Variants in FBXO4 observed in about 807,000 individuals in gnomAD.
The protein encoded by FBXO4 is F-box protein 4.
FBXO4 carries 36 observed loss-of-function variants against 43.7 expected under a neutral mutation model. The ratio of observed to expected loss-of-function variants is 0.82; its 90% CI spans 0.63 to 1.09. The LOEUF (loss-of-function observed/expected upper bound fraction) is 1.09. Among genes scored for constraint, FBXO4 ranks in the 50% least tolerant of loss-of-function variants. The pLI, the probability that FBXO4 is intolerant of heterozygous loss-of-function variation, is 0.00. For missense variants in FBXO4, 435 were observed against 474.1 expected (o/e 0.92, Z 0.77); for synonymous variants, 180 against 165.6 (o/e 1.09, Z -0.67).
At chr5:42,027,982 T>C in the FBXO4 span, among the ~76,000 whole-genome samples, 1 of 151,980 alleles carries the variant, frequency 6.6e-6, no homozygotes, top group Non-Finnish European at 1.5e-5. Context: ...ACCCATGTGC[T>C]AAAGAAAAGA....
At chr5:41,955,405 T>A in the FBXO4 span, among the ~76,000 whole-genome samples, 1 of 151,900 alleles carries the variant, frequency 6.6e-6, no homozygotes, top group African/African-American at 2.4e-5. Flanking sequence ...ACCTTACACA[T>A]AAACAACAAA....
the FBXO4 span, among the ~76,000 whole-genome samples, chr5:42,033,234 C>A: frequency 1.4e-3 from 214 of 152,212 alleles, no homozygotes; most frequent in Middle Eastern, 0.017. Context: ...GGCATCCTAG[C>A]AGGTTGCATC....
the FBXO4 span, among the ~76,000 whole-genome samples, chr5:41,997,163 C>A: frequency 6.6e-6 from 1 of 152,030 alleles, no homozygotes; most frequent in Admixed American, 6.5e-5. Context: ...TGGCTGCATA[C>A]CAGCTACCAG....
chr5:41,972,323 A>G, the FBXO4 span, among the ~76,000 whole-genome samples: 11 of 152,302 alleles, frequency 7.2e-5, no homozygotes, highest in South Asian at 2.1e-4. Context: ...TGAGAGCCAA[A>G]TCAAGAACAT....
the FBXO4 span, among the ~76,000 whole-genome samples, chr5:41,973,184 T>C: frequency 6.6e-6 from 1 of 152,134 alleles, no homozygotes; most frequent in South Asian, 2.1e-4. Context: ...CTGACAAAGA[T>C]CTAATATCTC....
intron 5 of FBXO4, among the ~76,000 whole-genome samples, chr5:41,936,964 G>A (rs370893977): frequency 5.5e-4 from 83 of 152,042 alleles, no homozygotes; most frequent in African/African-American, 1.9e-3. Flanking sequence ...GAGACAATAC[G>A]TAAATGAATG....
At chr5:41,962,351 GCTATCCTGCCTTAGCTT>G in the FBXO4 span, among the ~76,000 whole-genome samples, 2 of 152,038 alleles carry the variant, frequency 1.3e-5, no homozygotes, top group African/African-American at 2.4e-5. Context: ...ATTCTTATTA[GCTATCCTGCCTTAGCTT>G]CCACCAAAAT....
chr5:41,969,804 C>A, the FBXO4 span, among the ~76,000 whole-genome samples: 3 of 151,996 alleles, frequency 2.0e-5, no homozygotes, highest in East Asian at 5.8e-4. Flanking sequence ...TACACACACA[C>A]AAAAATGTGC....
At chr5:42,027,903 A>G in the FBXO4 span, among the ~76,000 whole-genome samples, 1 of 151,910 alleles carries the variant, frequency 6.6e-6, no homozygotes, top group African/African-American at 2.4e-5. Flanking sequence ...GATGCTTGGC[A>G]TTATTTCAAT....
At chr5:41,960,703 T>A in the FBXO4 span, among the ~76,000 whole-genome samples, 3 of 152,174 alleles carry the variant, frequency 2.0e-5, no homozygotes, top group Non-Finnish European at 4.4e-5. Context: ...TCTATTGCAT[T>A]TTTCATTTCA....
the FBXO4 span, among the ~76,000 whole-genome samples, chr5:41,981,606 G>C: frequency 1.3e-5 from 2 of 151,696 alleles, no homozygotes; most frequent in African/African-American, 4.8e-5. Context: ...TCAATTATTT[G>C]CCAGAAATCT....
At chr5:41,988,078 A>G in the FBXO4 span, among the ~76,000 whole-genome samples, 1 of 152,180 alleles carries the variant, frequency 6.6e-6, no homozygotes. Context: ...AGGTAAAATG[A>G]ACTGTAACAC....
the FBXO4 span, among the ~76,000 whole-genome samples, chr5:42,022,253 GAA>G: frequency 1.3e-5 from 2 of 152,100 alleles, no homozygotes; most frequent in Non-Finnish European, 2.9e-5. Flanking sequence ...AGACATTGGA[GAA>G]AAAGAGAAAA....
At chr5:42,036,025 A>T in the FBXO4 span, among the ~76,000 whole-genome samples, 2 of 152,146 alleles carry the variant, frequency 1.3e-5, no homozygotes, top group African/African-American at 2.4e-5. Flanking sequence ...GAAAAAGGCA[A>T]GTAATGTCCT....
At chr5:41,948,178 C>G in the FBXO4 span, among the ~76,000 whole-genome samples, 19 of 150,742 alleles carry the variant, frequency 1.3e-4, no homozygotes, top group African/African-American at 4.4e-4. Context: ...GCTCATCGCC[C>G]AGGCTGGAGT....
chr5:41,950,992 C>T, the FBXO4 span, among the ~76,000 whole-genome samples: 2 of 152,184 alleles, frequency 1.3e-5, no homozygotes, highest in South Asian at 4.1e-4. Flanking sequence ...TGTTCTCATT[C>T]GTAAGTGGGA....
chr5:42,037,116 A>G, the FBXO4 span, among the ~76,000 whole-genome samples: 3 of 152,082 alleles, frequency 2.0e-5, no homozygotes, highest in African/African-American at 7.2e-5. Flanking sequence ...AATTGGAGAT[A>G]TTATTTATCC....
intron 5 of FBXO4, chr5:41,934,657 T>C: frequency 9.1e-7 from 1 of 1,094,844 alleles, no homozygotes; most frequent in Non-Finnish European, 1.1e-6. Context: ...TGCTTTATGC[T>C]TCTGCATTTT....
At chr5:42,025,100 A>G in the FBXO4 span, among the ~76,000 whole-genome samples, 1 of 148,236 alleles carries the variant, frequency 6.7e-6, no homozygotes, top group African/African-American at 2.6e-5. Flanking sequence ...TGGTAGCTCT[A>G]TTTTTTGTTT....
Sources: allele counts gnomAD v4.1 joint callset (sites outside exome capture counted in the v4.1 genomes callset), GRCh38; gene constraint gnomAD v4.1.1; transcripts MANE v1.5; gene names NCBI Gene and HGNC (gene_info 2026-07-23, HGNC 2026-07-21).